Variants in MYO9A observed in about 807,000 individuals in gnomAD.
MYO9A encodes the protein myosin IXA.
Under a neutral mutation model 293.3 loss-of-function variants are expected in MYO9A, and 103 were observed. The ratio of observed to expected loss-of-function variants is 0.35; its 90% CI spans 0.30 to 0.41. The LOEUF (loss-of-function observed/expected upper bound fraction) is 0.41, where lower values mean the gene tolerates loss of function less well. MYO9A is among the 10% of genes least tolerant of loss of function. The probability of loss-of-function intolerance (pLI) is 1.00; values close to 1 mark genes in which losing one functional copy is unlikely to be tolerated. For missense variants in MYO9A, 2,685 were observed against 3,033.0 expected (o/e 0.89, Z 2.69); for synonymous variants, 1,001 against 1,035.7 (o/e 0.97, Z 0.64).
intron 1 of MYO9A, among the ~76,000 whole-genome samples, chr15:72,106,337 A>C (rs542074346): frequency 6.6e-6 from 1 of 152,186 alleles, no homozygotes; most frequent in East Asian, 1.9e-4. Flanking sequence ...TAATTTAAAA[A>C]AATAATTAGG....
intron 3 of MYO9A, among the ~76,000 whole-genome samples, chr15:72,028,134 T>C (rs1233858887): frequency 2.0e-5 from 3 of 149,468 alleles, no homozygotes; most frequent in South Asian, 2.1e-4. Context: ...GAGGCAGAAG[T>C]TGCAGTGAAC....
intron 2 of MYO9A, among the ~76,000 whole-genome samples, chr15:72,037,261 C>CAA (rs61042231): frequency 5.4e-5 from 4 of 74,264 alleles, no homozygotes; most frequent in East Asian, 3.6e-4. Flanking sequence ...CAGAATGGGG[C>CAA]AAAAAAAAAA....
intron 12 of MYO9A, among the ~76,000 whole-genome samples, chr15:71,974,482 A>G (rs962512553): frequency 6.6e-6 from 1 of 152,218 alleles, no homozygotes; most frequent in Non-Finnish European, 1.5e-5. Flanking sequence ...GTACACTGGT[A>G]TAACAACTAT....
At chr15:71,882,622 C>A (rs62023343) in intron 28 of MYO9A, among the ~76,000 whole-genome samples, 96,001 of 151,688 alleles carry the variant, frequency 0.63, 31,759 homozygotes, top group Middle Eastern at 0.74. Flanking sequence ...CATAGTGAAA[C>A]CTTGTCTCTA....
At chr15:71,950,320 A>C (rs1302505599) in intron 15 of MYO9A, 1 of 152,250 alleles carries the variant, frequency 6.6e-6, no homozygotes, top group Non-Finnish European at 1.5e-5. Context: ...CATGCAGCCT[A>C]TGCTGAAACT....
At chr15:71,903,261 C>T (rs1036586487) in intron 21 of MYO9A, among the ~76,000 whole-genome samples, 198 bp from the exon 22 acceptor site, 2 of 151,778 alleles carry the variant, frequency 1.3e-5, no homozygotes, top group African/African-American at 4.8e-5. Context: ...TTCTACATAT[C>T]ATGACATCAA....
At chr15:72,037,170 C>CAGTGTTATCTA (rs1327455898) in intron 2 of MYO9A, among the ~76,000 whole-genome samples, 1 of 151,306 alleles carries the variant, frequency 6.6e-6, no homozygotes. Context: ...CCACTGCACC[C>CAGTGTTATCTA]ACCCACCATC....
intron 13 of MYO9A, among the ~76,000 whole-genome samples, chr15:71,967,150 T>G (rs1260912889): frequency 6.6e-6 from 1 of 152,208 alleles, no homozygotes; most frequent in African/African-American, 2.4e-5. Context: ...TTTACTACTT[T>G]CTCTCATAGG....
chr15:72,004,626 C>G (rs1297777090), intron 8 of MYO9A, among the ~76,000 whole-genome samples: 1 of 152,114 alleles, frequency 6.6e-6, no homozygotes, highest in Non-Finnish European at 1.5e-5. Flanking sequence ...ACTCAAAATA[C>G]ATAAACCTGA....
At chr15:71,986,160 T>G (rs903813203) in intron 11 of MYO9A, among the ~76,000 whole-genome samples, 5 of 152,162 alleles carry the variant, frequency 3.3e-5, no homozygotes, top group African/African-American at 1.2e-4. Flanking sequence ...AGAAACAGTA[T>G]AGCAACTATT....
intron 39 of MYO9A, among the ~76,000 whole-genome samples, chr15:71,841,571 G>A (rs918028008): frequency 6.6e-6 from 1 of 151,970 alleles, no homozygotes; most frequent in Non-Finnish European, 1.5e-5. Context: ...CCTTGGTCAA[G>A]ATTTATATTT....
At position 71,830,166 on chromosome 15, in the gene MYO9A, G is replaced by A; in HGVS notation, c.6983C>T (p.Ala2328Val). 6.2e-7 allele frequency: 1 copy of A among 1,614,098 alleles called. No individual in the cohort carries two copies. The highest frequency in any genetic ancestry group is 8.5e-7 in the Non-Finnish European group (1 of 1,180,002). ...CAGTACTCTCTCCTCCTGCTGCATA[G>A]CTGCTTGCTGCTGTTCTGTGATGTC... ...ETDITEQQQA[A>V]MQQEERVLTE... The change falls in exon 40 of 42, where the codon GCT (alanine) becomes GTT (valine). Residue 2328 changes from alanine (A) to valine (V), a missense_variant. Coordinates refer to ENST00000356056, the MANE Select transcript of MYO9A (RefSeq NM_006901.4).
At chr15:71,926,337 G>C (rs2058313057) in intron 18 of MYO9A, among the ~76,000 whole-genome samples, 1 of 152,110 alleles carries the variant, frequency 6.6e-6, no homozygotes, top group Admixed American at 6.5e-5. Flanking sequence ...GCTGAGGCTG[G>C]AGGATCACTT....
chr15:72,015,703 T>C (rs2077313786), intron 6 of MYO9A, among the ~76,000 whole-genome samples: 1 of 150,150 alleles, frequency 6.7e-6, no homozygotes, highest in Admixed American at 6.6e-5. Context: ...TTTTTTTTTT[T>C]TTGAGACAGA....
chr15:71,855,814 G>A, intron 34 of MYO9A, among the ~76,000 whole-genome samples: 1 of 152,170 alleles, frequency 6.6e-6, no homozygotes, highest in African/African-American at 2.4e-5. Context: ...ATATTCTGTA[G>A]TATATATAAT....
At chr15:72,112,610 T>C (rs1202716578) in intron 1 of MYO9A, among the ~76,000 whole-genome samples, 1 of 152,240 alleles carries the variant, frequency 6.6e-6, no homozygotes, top group Admixed American at 6.5e-5. Flanking sequence ...GTCTATTGTA[T>C]GAAACTATGC....
intron 27 of MYO9A, among the ~76,000 whole-genome samples, 168 bp downstream of exon 27, chr15:71,887,836 G>A (rs1323211539): frequency 6.6e-6 from 1 of 152,066 alleles, no homozygotes; most frequent in African/African-American, 2.4e-5. Context: ...TAACTACTAT[G>A]TGCCTATAAA....
chr15:71,902,568 C>T (rs901792261), intron 22 of MYO9A, among the ~76,000 whole-genome samples: 4 of 152,072 alleles, frequency 2.6e-5, no homozygotes, highest in Middle Eastern at 3.4e-3. Context: ...TTAAAGTGAA[C>T]GGTATGCCAA....
chr15:71,866,953 AG>A (rs1050032849), intron 32 of MYO9A, among the ~76,000 whole-genome samples: 4 of 152,140 alleles, frequency 2.6e-5, no homozygotes, highest in Admixed American at 6.6e-5. Context: ...GCTACTCAGG[AG>A]GCTGAGGCAG....
Sources: gnomAD v4.1 joint callset for allele counts (sites outside exome capture counted in the v4.1 genomes callset) on GRCh38, gnomAD v4.1.1 for gene constraint, MANE v1.5 for transcripts, NCBI Gene and HGNC (gene_info 2026-07-23, HGNC 2026-07-21) for gene names.